Variants in SOCS5 observed in about 807,000 individuals in gnomAD.
SOCS5 encodes suppressor of cytokine signaling 5.
SOCS5 carries 32 observed loss-of-function variants against 42.8 expected under a neutral mutation model. The ratio of observed to expected loss-of-function variants is 0.75; its 90% CI spans 0.56 to 1.01. The LOEUF is 1.01. Ranked by LOEUF, SOCS5 falls within the 50% of genes least tolerant of loss-of-function variation. The pLI is 0.00. For missense variants in SOCS5, 627 were observed against 653.0 expected (o/e 0.96, Z 0.43); for synonymous variants, 283 against 229.6 (o/e 1.23, Z -2.10).
chr2:46,710,531 A>G (rs1672595441), intron 1 of SOCS5, among the ~76,000 whole-genome samples: 3 of 152,214 alleles, frequency 2.0e-5, no homozygotes, highest in Non-Finnish European at 4.4e-5. Context: ...GCATACACCA[A>G]ATATCTTTAA....
intron 1 of SOCS5, among the ~76,000 whole-genome samples, chr2:46,711,109 A>G (rs916596346): frequency 2.0e-5 from 3 of 152,348 alleles, no homozygotes; most frequent in South Asian, 2.1e-4. Flanking sequence ...TAAAGCTACC[A>G]TGAACATTCT....
At chr2:46,706,820 A>C (rs1326416646) in intron 1 of SOCS5, among the ~76,000 whole-genome samples, 1 of 152,152 alleles carries the variant, frequency 6.6e-6, no homozygotes, top group Non-Finnish European at 1.5e-5. Context: ...GGGGTTGTGG[A>C]TTGCAGGCAG....
Position 46,758,911 on chromosome 2 carries a change from C to G in SOCS5, c.381C>G (p.Ser127=). 2 of 1,614,016 alleles carry G rather than the reference C, an allele frequency of 1.2e-6. No homozygotes were observed. Among genetic ancestry groups the G allele is most frequent in the Non-Finnish European group, 1.7e-6 (2 of 1,179,900 alleles). The change falls in exon 2 of 2, where the codon TCC becomes TCG. Residue 127 remains serine, a synonymous_variant. Coordinates refer to ENST00000394861, the MANE Select transcript of SOCS5 (RefSeq NM_144949.3). The part of the protein sequence containing the change: ...HAPWGGKKKH[S]CSTKTQSSLD... ...CATGGGGTGGGAAGAAAAAACATTC[C>G]TGTTCTACAAAGACCCAGAGTTCAT...
chr2:46,715,902 ACT>A (rs892778282), intron 1 of SOCS5, among the ~76,000 whole-genome samples: 7 of 151,660 alleles, frequency 4.6e-5, no homozygotes, highest in African/African-American at 1.5e-4. Context: ...TCTCCTACAG[ACT>A]CTAATCCCAC....
At chr2:46,715,186 T>C (rs1267805970) in intron 1 of SOCS5, among the ~76,000 whole-genome samples, 2 of 151,858 alleles carry the variant, frequency 1.3e-5, no homozygotes, top group African/African-American at 4.8e-5. Context: ...CTGAGCAACA[T>C]AGTAGGACAC....
chr2:46,729,793 A>G (rs1306674654), intron 1 of SOCS5, among the ~76,000 whole-genome samples: 2 of 152,238 alleles, frequency 1.3e-5, no homozygotes, highest in Non-Finnish European at 2.9e-5. Context: ...TCTTTCTTCA[A>G]TAACAAATTG....
chr2:46,715,913 A>T (rs1038766231), intron 1 of SOCS5, among the ~76,000 whole-genome samples: 2 of 151,978 alleles, frequency 1.3e-5, no homozygotes, highest in Non-Finnish European at 2.9e-5. Flanking sequence ...CTCTAATCCC[A>T]CATATGTTCA....
intron 1 of SOCS5, among the ~76,000 whole-genome samples, chr2:46,744,779 C>T (rs1673462649): frequency 6.6e-6 from 1 of 151,918 alleles, no homozygotes; most frequent in Non-Finnish European, 1.5e-5. Context: ...CCGCCCACCT[C>T]AGCCTCCCAA....
rs528908963 is a variant in SOCS5, at chr2:46,721,535, T to C, written c.-13+22086T>C. On this transcript the variant is annotated intron_variant, in intron 1 of 1. Transcript: ENST00000394861. ...CAGAAGGTTTAAGATAGAGAAGTTA[T>C]CTAGTGCTGTTGTCATTTAAAAGGA... Among the ~76,000 whole-genome samples, 4 of 152,334 alleles carry C rather than the reference T, an allele frequency of 2.6e-5. No individual in the cohort carries two copies. In the East Asian group the frequency reaches 7.7e-4, roughly 29 times the overall value.
intron 1 of SOCS5, among the ~76,000 whole-genome samples, chr2:46,712,622 G>A (rs933068760): frequency 5.7e-4 from 87 of 152,258 alleles, no homozygotes; most frequent in Admixed American, 1.5e-3. Flanking sequence ...GATTACAGGC[G>A]TGAGCCACTG....
chr2:46,744,988 A>G (rs1367221428), intron 1 of SOCS5, among the ~76,000 whole-genome samples: 1 of 151,362 alleles, frequency 6.6e-6, no homozygotes, highest in Non-Finnish European at 1.5e-5. Flanking sequence ...GTATAACAAG[A>G]TGTAGAATTA....
intron 1 of SOCS5, among the ~76,000 whole-genome samples, chr2:46,730,510 G>A (rs1328080207): frequency 6.6e-6 from 1 of 152,172 alleles, no homozygotes; most frequent in African/African-American, 2.4e-5. Context: ...TGAGGCAGGC[G>A]AATCGCTTGA....
intron 1 of SOCS5, among the ~76,000 whole-genome samples, chr2:46,712,923 T>G (rs937253174): frequency 6.6e-6 from 1 of 152,158 alleles, no homozygotes; most frequent in African/African-American, 2.4e-5. Context: ...AATTAGGAGG[T>G]GTTTCCTCTT....
intron 1 of SOCS5, among the ~76,000 whole-genome samples, chr2:46,730,878 T>G (rs1027623934): frequency 5.3e-5 from 8 of 152,218 alleles, no homozygotes; most frequent in Non-Finnish European, 1.0e-4. Context: ...ATTGTCTCTT[T>G]TGTGTTACAT....
chr2:46,731,818 G>A (rs192445089), intron 1 of SOCS5, among the ~76,000 whole-genome samples: 2 of 152,312 alleles, frequency 1.3e-5, no homozygotes, highest in African/African-American at 4.8e-5. Context: ...AAAAATGATA[G>A]CACCATTTTA....
intron 1 of SOCS5, among the ~76,000 whole-genome samples, chr2:46,753,038 T>G (rs1673657894): frequency 6.6e-6 from 1 of 152,190 alleles, no homozygotes; most frequent in South Asian, 2.1e-4. Flanking sequence ...GCATCCACCC[T>G]TGCTCTCTTA....
At chr2:46,755,969 A>T (rs2103761931) in intron 1 of SOCS5, among the ~76,000 whole-genome samples, 1 of 152,254 alleles carries the variant, frequency 6.6e-6, no homozygotes, top group East Asian at 1.9e-4. Context: ...ATGGAGTAAG[A>T]TGCAGTCTGA....
At chr2:46,742,684 G>A (rs1053396637) in intron 1 of SOCS5, among the ~76,000 whole-genome samples, 4 of 149,160 alleles carry the variant, frequency 2.7e-5, no homozygotes, top group Non-Finnish European at 1.5e-5. Context: ...CTTTTTTTTT[G>A]AGACAGAGTC....
intron 1 of SOCS5, among the ~76,000 whole-genome samples, chr2:46,726,689 A>G (rs1248694180): frequency 6.6e-6 from 1 of 151,886 alleles, no homozygotes; most frequent in African/African-American, 2.4e-5. Flanking sequence ...CATTTTGCTT[A>G]TTAAGCCCAT....
Sources: allele counts gnomAD v4.1 joint callset (sites outside exome capture counted in the v4.1 genomes callset), GRCh38; gene constraint gnomAD v4.1.1; transcripts MANE v1.5; gene names NCBI Gene and HGNC (gene_info 2026-07-23, HGNC 2026-07-21).